The following DHX8 variants were observed in gnomAD, a reference collection of about 807,000 sequenced individuals.
DHX8 encodes the protein ATP-dependent RNA helicase DHX8.
DHX8 carries 67 observed loss-of-function variants against 140.7 expected under a neutral mutation model. The ratio of observed to expected loss-of-function variants is 0.48; its 90% CI spans 0.39 to 0.58. The LOEUF (loss-of-function observed/expected upper bound fraction) is 0.58. DHX8 is among the 20% of genes least tolerant of loss of function. The probability of loss-of-function intolerance (pLI) is 0.00; values close to 1 mark genes in which losing one functional copy is unlikely to be tolerated. For missense variants in DHX8, 887 were observed against 1,550.7 expected, an observed-to-expected ratio of 0.57 and a Z score of 7.19; for synonymous variants, 533 against 553.2, an observed-to-expected ratio of 0.96 and a Z score of 0.51.
chr17:43,534,362 C>T (rs1310137602), intron 2 of DHX8, among the ~76,000 whole-genome samples: 1 of 151,892 alleles, frequency 6.6e-6, no homozygotes, highest in African/African-American at 2.4e-5. Context: ...GGGATGGTGG[C>T]GGATGCCTGT....
intron 16 of DHX8, among the ~76,000 whole-genome samples, chr17:43,509,915 G>A (rs935658300): frequency 3.3e-5 from 5 of 151,842 alleles, no homozygotes; most frequent in African/African-American, 1.2e-4. Context: ...GTGATCTGCC[G>A]GTCTCGGCCT....
intron 3 of DHX8, among the ~76,000 whole-genome samples, chr17:43,538,231 C>T (rs574452923): frequency 6.6e-4 from 100 of 151,886 alleles, no homozygotes; most frequent in African/African-American, 2.3e-3. Context: ...AACTTGAACC[C>T]GGGAGGTGGA....
chr17:43,523,622 C>A lies in DHX8; in HGVS notation c.3444-6C>A, dbSNP rs376826695. The A allele has an allele frequency of 3.1e-6, 5 of 1,613,890 alleles. No homozygotes were observed. The highest frequency in any genetic ancestry group is 4.2e-6 in the Non-Finnish European group (5 of 1,179,952). Reference sequence around the variant, plus strand: ...AGGCTTGAGTACTATCTCTGTCCCCCCTCAGGGTGGTGTACCATGAGCTGG... The same window carrying A: ...AGGCTTGAGTACTATCTCTGTCCCCACTCAGGGTGGTGTACCATGAGCTGG... On this transcript the variant is annotated splice_polypyrimidine_tract_variant and splice_region_variant and intron_variant, in intron 22 of 22. Coordinates refer to ENST00000262415, the MANE Select transcript of DHX8 (RefSeq NM_004941.3).
intron 11 of DHX8, among the ~76,000 whole-genome samples, chr17:43,500,402 G>A (rs1203411828): frequency 3.3e-5 from 5 of 151,846 alleles, no homozygotes; most frequent in African/African-American, 1.2e-4. Flanking sequence ...CAGGAGAATC[G>A]CTTAAACCCA....
intron 2 of DHX8, chr17:43,534,015 C>A: frequency 2.0e-6 from 3 of 1,484,174 alleles, no homozygotes; most frequent in Non-Finnish European, 2.7e-6. Context: ...AGAGCAAGGC[C>A]AGAGCCTGTC....
chr17:43,523,721 C>T lies in DHX8; in HGVS notation c.3537C>T (p.Ala1179=). The T allele has an allele frequency of 1.9e-6, 3 of 1,614,186 alleles. No individual in the cohort carries two copies. The highest frequency in any genetic ancestry group is 2.5e-6 in the Non-Finnish European group (3 of 1,180,038). The change falls in exon 23 of 23, where the codon GCC becomes GCT. Residue 1179 remains alanine, a synonymous_variant. Coordinates refer to ENST00000262415, the MANE Select transcript of DHX8 (RefSeq NM_004941.3). ...GGTGGCTTGTGGAGTTTGCCCCAGCCTTCTTCAAGGTCTCAGACCCAACTA... is the reference window on the plus strand; with the variant it reads ...GGTGGCTTGTGGAGTTTGCCCCAGCTTTCTTCAAGGTCTCAGACCCAACTA... ...DPRWLVEFAP[A]FFKVSDPTKL...
chr17:43,535,826 C>T (rs1350324046), intron 2 of DHX8, among the ~76,000 whole-genome samples: 2 of 152,134 alleles, frequency 1.3e-5, no homozygotes. Context: ...AATACTAGAA[C>T]TGGGGGCGGG....
chr17:43,531,184 A>G (rs1970915224), downstream of DHX8, among the ~76,000 whole-genome samples: 1 of 152,190 alleles, frequency 6.6e-6, no homozygotes, highest in Non-Finnish European at 1.5e-5. Context: ...GGGCACCACA[A>G]AAAGGGAAAT....
chr17:43,522,460 A>G (rs1247487618), intron 22 of DHX8, among the ~76,000 whole-genome samples: 1 of 152,052 alleles, frequency 6.6e-6, no homozygotes, highest in African/African-American at 2.4e-5. Flanking sequence ...TTAAAAAACT[A>G]CGTAGTGGCC....
At chr17:43,492,114 T>C in intron 4 of DHX8, 69 bp from the exon 5 acceptor site, 1 of 1,037,194 alleles carries the variant, frequency 9.6e-7, no homozygotes, top group Non-Finnish European at 1.5e-6. Flanking sequence ...GATTTATAGA[T>C]GTACCTGAGG....
At chr17:43,527,479 C>G (rs1970651198), downstream of DHX8, among the ~76,000 whole-genome samples, 1 of 152,218 alleles carries the variant, frequency 6.6e-6, no homozygotes, top group Non-Finnish European at 1.5e-5. Flanking sequence ...AAAACCCTGT[C>G]TGAGGAAGTC....
Position 43,507,769 on chromosome 17 carries a change from G to A in DHX8, c.2110-40G>A, listed in dbSNP as rs771282624. The A allele has an allele frequency of 7.4e-6, 12 of 1,613,106 alleles. No homozygotes were observed. The South Asian group carries it at 1.3e-4, about 18-fold the overall frequency. ...TTGGATTTGAGTACCTGTGTCTTTGGGTAGTCCTTTTCAGTAAGCCACATA... is the reference window on the plus strand; with the variant it reads ...TTGGATTTGAGTACCTGTGTCTTTGAGTAGTCCTTTTCAGTAAGCCACATA... On this transcript the variant is annotated intron_variant, in intron 14 of 22. Coordinates refer to ENST00000262415, the MANE Select transcript of DHX8 (RefSeq NM_004941.3).
At chr17:43,514,120 T>C (rs1969992337) in intron 17 of DHX8, among the ~76,000 whole-genome samples, 1 of 152,102 alleles carries the variant, frequency 6.6e-6, no homozygotes, top group South Asian at 2.1e-4. Context: ...AGTGGGAGGA[T>C]TGCTTGAGGC....
chr17:43,523,036 C>G (rs1440637426), intron 22 of DHX8, among the ~76,000 whole-genome samples: 1 of 141,170 alleles, frequency 7.1e-6, no homozygotes. Context: ...GTACTCCAGC[C>G]TGGGAGACAG....
At position 43,508,530 on chromosome 17, in the gene DHX8, G is replaced by T. The variant is rs1275538837; in HGVS notation, c.2502+10G>T. On this transcript the variant is annotated intron_variant, in intron 16 of 22. Coordinates refer to ENST00000262415, the MANE Select transcript of DHX8 (RefSeq NM_004941.3). ...ACCAGGCAGCAGAAAGGTAACATGGGCAAAAATGAAGCTTCCATGTGCCCT... is the reference window on the plus strand; with the variant it reads ...ACCAGGCAGCAGAAAGGTAACATGGTCAAAAATGAAGCTTCCATGTGCCCT... 6.3e-7 allele frequency: 1 copy of T among 1,597,322 alleles called. No homozygotes were observed. The highest frequency in any genetic ancestry group is 1.3e-5 in the African/African-American group (1 of 74,360).
chr17:43,520,044 G>T, intron 18 of DHX8, 86 bp from the exon 19 acceptor site: 1 of 1,514,034 alleles, frequency 6.6e-7, no homozygotes. Context: ...GAAGAAATGG[G>T]AAATAAAGTA....
In DHX8 at chr17:43,501,943, G is replaced by A. The variant is rs1007568080; in HGVS notation, c.1546+1840G>A. On this transcript the variant is annotated intron_variant, in intron 11 of 22. Transcript: ENST00000262415. ...GAATGGTGGCTTGAACATGGAGGTAGCAAAGAGGAGGGATGTACTTGAGAA... is the reference window on the plus strand; with the variant it reads ...GAATGGTGGCTTGAACATGGAGGTAACAAAGAGGAGGGATGTACTTGAGAA... Among the ~76,000 whole-genome samples the A allele has an allele frequency of 2.0e-5, 3 of 152,180 alleles. No homozygotes were observed. The East Asian group carries it at 5.8e-4, about 29-fold the overall frequency.
At chr17:43,496,608 T>G (rs1186028792) in intron 9 of DHX8, among the ~76,000 whole-genome samples, 1 of 152,004 alleles carries the variant, frequency 6.6e-6, no homozygotes, top group Admixed American at 6.6e-5. Context: ...TGAAACCGTG[T>G]CTCTACTAAA....
rs1001443804 is a variant in DHX8, at chr17:43,493,886, G to A, written c.1212G>A (p.Gln404=). The A allele has an allele frequency of 6.2e-7, 1 of 1,614,184 alleles. No homozygotes were observed. The highest frequency in any genetic ancestry group is 8.5e-7 in the Non-Finnish European group (1 of 1,180,034). ...ACCCAGAGAAGTGGGAGATCAAACA[G>A]GTTGGGGCCTTTAGTTTTCATGACC... ...ISDPEKWEIK[Q]MIAANVLSKE... Residue 404 remains glutamine, a splice_region_variant and synonymous_variant, in exon 8 of 23, where the codon CAG becomes CAA. Transcript: ENST00000262415.
Sources: gnomAD v4.1 joint callset for allele counts (sites outside exome capture counted in the v4.1 genomes callset) on GRCh38, gnomAD v4.1.1 for gene constraint, MANE v1.5 for transcripts, NCBI Gene and HGNC (gene_info 2026-07-23, HGNC 2026-07-21) for gene names.